RAB3C: variants seen among roughly 807,000 people sequenced by gnomAD.
The protein encoded by RAB3C is RAB3C, member RAS oncogene family.
In RAB3C, 17 loss-of-function variants were observed where a neutral mutation model predicts 26.4. The observed-to-expected ratio is 0.64, with a 90% CI of 0.44 to 0.97. The LOEUF (loss-of-function observed/expected upper bound fraction) is 0.97, where lower values mean the gene tolerates loss of function less well. Among genes scored for constraint, RAB3C ranks in the 50% least tolerant of loss-of-function variants. The probability of loss-of-function intolerance (pLI) is 0.00; values close to 1 mark genes in which losing one functional copy is unlikely to be tolerated. For synonymous variants in RAB3C, 91 were observed against 95.9 expected (o/e 0.95, Z 0.30); for missense variants, 242 against 281.9 (o/e 0.86, Z 1.01).
chr5:58,745,569 T>C (rs2111954513), intron 3 of RAB3C, among the ~76,000 whole-genome samples: 1 of 152,192 alleles, frequency 6.6e-6, no homozygotes, highest in East Asian at 1.9e-4. Context: ...GTCTCTATAG[T>C]CCTCCTTGTC....
chr5:58,640,542 G>A (rs942898500), intron 2 of RAB3C, among the ~76,000 whole-genome samples: 1 of 152,108 alleles, frequency 6.6e-6, no homozygotes, highest in African/African-American at 2.4e-5. Flanking sequence ...AAATTTATGA[G>A]CCAACATACT....
chr5:58,747,365 A>G (rs78596980), intron 3 of RAB3C, among the ~76,000 whole-genome samples: 7,009 of 152,244 alleles, frequency 0.046, 572 homozygotes, highest in African/African-American at 0.16. Flanking sequence ...TCTAAAATTC[A>G]GATGTAATAC....
At chr5:58,760,800 G>T (rs557252601) in intron 3 of RAB3C, among the ~76,000 whole-genome samples, 3 of 152,276 alleles carry the variant, frequency 2.0e-5, no homozygotes, top group African/African-American at 4.8e-5. Context: ...GGAACTTACA[G>T]TCTAGTTAAT....
intron 3 of RAB3C, among the ~76,000 whole-genome samples, chr5:58,797,347 AAAAAAAATATGTATATATATAATATAT>A (rs1363365616): frequency 8.2e-4 from 5 of 6,074 alleles, no homozygotes; most frequent in African/African-American, 2.5e-3. Flanking sequence ...GACAAAAAAA[AAAAAAAATATGTATATATATAATATAT>A]ATATATATAT....
intron 3 of RAB3C, among the ~76,000 whole-genome samples, chr5:58,792,564 A>G (rs1036068940): frequency 6.6e-6 from 1 of 152,184 alleles, no homozygotes; most frequent in African/African-American, 2.4e-5. Context: ...GGAAGCTGTG[A>G]ACCACACATG....
At chr5:58,794,881 A>T (rs1336694125) in intron 3 of RAB3C, among the ~76,000 whole-genome samples, 1 of 152,240 alleles carries the variant, frequency 6.6e-6, no homozygotes, top group Non-Finnish European at 1.5e-5. Context: ...CCCCTTCAGT[A>T]GGTTCTGTGG....
intron 3 of RAB3C, among the ~76,000 whole-genome samples, chr5:58,730,486 GAAAGAAATAAGCAC>G (rs1251735924): frequency 6.6e-6 from 1 of 151,974 alleles, no homozygotes; most frequent in Non-Finnish European, 1.5e-5. Flanking sequence ...AAGGTATTCT[GAAAGAAATAAGCAC>G]AAAGAAACAC....
At chr5:58,771,836 T>C (rs1742035836) in intron 3 of RAB3C, among the ~76,000 whole-genome samples, 1 of 150,652 alleles carries the variant, frequency 6.6e-6, no homozygotes, top group Non-Finnish European at 1.5e-5. Context: ...CTTTCTTTTT[T>C]CTTTTTCTTT....
At chr5:58,664,453 C>A (rs189766665) in intron 2 of RAB3C, among the ~76,000 whole-genome samples, 3 of 151,960 alleles carry the variant, frequency 2.0e-5, no homozygotes, top group African/African-American at 7.3e-5. Context: ...TTCAGAATAG[C>A]GGTTGCTAGG....
chr5:58,745,261 A>G (rs1741373377), intron 3 of RAB3C, among the ~76,000 whole-genome samples: 1 of 151,290 alleles, frequency 6.6e-6, no homozygotes, highest in South Asian at 2.1e-4. Context: ...AGCCGGGCAT[A>G]GTGGCGGGTG....
chr5:58,680,005 ATC>A (rs1748313423), intron 2 of RAB3C, among the ~76,000 whole-genome samples: 1 of 152,212 alleles, frequency 6.6e-6, no homozygotes, highest in Non-Finnish European at 1.5e-5. Context: ...AAATTTCTCC[ATC>A]TGTATATTTT....
chr5:58,753,199 T>C (rs1276714689), intron 3 of RAB3C, among the ~76,000 whole-genome samples: 2 of 152,188 alleles, frequency 1.3e-5, no homozygotes, highest in African/African-American at 4.8e-5. Flanking sequence ...CCTGCATTTA[T>C]TTTTAAATGT....
At chr5:58,755,136 T>C (rs972246094) in intron 3 of RAB3C, among the ~76,000 whole-genome samples, 2 of 152,186 alleles carry the variant, frequency 1.3e-5, no homozygotes, top group Admixed American at 1.3e-4. Context: ...AAGAGGGCTG[T>C]ATTTCCAAGG....
In RAB3C at chr5:58,623,422, A is replaced by C. The variant is rs142290076; in HGVS notation, c.252+5552A>C. Among the ~76,000 whole-genome samples, 31 of 152,346 alleles carry C rather than the reference A, an allele frequency of 2.0e-4. No homozygotes were observed. In the East Asian group the frequency reaches 6.0e-3, roughly 29 times the overall value. On this transcript the variant is annotated intron_variant, in intron 2 of 4. Coordinates refer to ENST00000282878, the MANE Select transcript of RAB3C (RefSeq NM_138453.4). ...TCTGCCCAGGCAAGCTTCTTAAGAAAACCACCAAAGCCAGTGACAGCTGCC... is the reference window on the plus strand; with the variant it reads ...TCTGCCCAGGCAAGCTTCTTAAGAACACCACCAAAGCCAGTGACAGCTGCC...
intron 2 of RAB3C, among the ~76,000 whole-genome samples, chr5:58,637,366 C>T (rs930191647): frequency 2.6e-5 from 4 of 152,024 alleles, no homozygotes; most frequent in African/African-American, 9.7e-5. Flanking sequence ...CTATCACTCA[C>T]TCTCTCTCTA....
intron 4 of RAB3C, among the ~76,000 whole-genome samples, chr5:58,839,684 T>A (rs1426637904): frequency 6.6e-6 from 1 of 152,116 alleles, no homozygotes; most frequent in African/African-American, 2.4e-5. Flanking sequence ...TCCTTTCTCT[T>A]TTTTCCTTCA....
At chr5:58,634,878 C>T (rs893450374) in intron 2 of RAB3C, among the ~76,000 whole-genome samples, 1 of 152,136 alleles carries the variant, frequency 6.6e-6, no homozygotes, top group Non-Finnish European at 1.5e-5. Context: ...TGCTGATCCT[C>T]TTCGCAGAAG....
At chr5:58,586,995 G>A (rs1344500166) in intron 1 of RAB3C, among the ~76,000 whole-genome samples, 1 of 151,990 alleles carries the variant, frequency 6.6e-6, no homozygotes, top group East Asian at 1.9e-4. Flanking sequence ...CTGAGAAATG[G>A]ACATGTAGTC....
intron 3 of RAB3C, among the ~76,000 whole-genome samples, chr5:58,756,634 A>G (rs1465165195): frequency 3.6e-5 from 5 of 139,332 alleles, no homozygotes; most frequent in Non-Finnish European, 6.1e-5. Flanking sequence ...TATTTTGGGT[A>G]CCATTATAAA....
Sources: gnomAD v4.1 joint callset for allele counts (sites outside exome capture counted in the v4.1 genomes callset) on GRCh38, gnomAD v4.1.1 for gene constraint, MANE v1.5 for transcripts, NCBI Gene and HGNC (gene_info 2026-07-23, HGNC 2026-07-21) for gene names.